Variants in TIAL1 observed in about 807,000 individuals in gnomAD.
TIAL1 encodes nucleolysin TIAR.
Under a neutral mutation model 59.7 loss-of-function variants are expected in TIAL1, and 7 were observed. That is an observed-to-expected ratio of 0.12 (90% confidence interval 0.07 to 0.22). The LOEUF (loss-of-function observed/expected upper bound fraction) is 0.22, where lower values mean the gene tolerates loss of function less well. TIAL1 is among the 10% of genes least tolerant of loss of function. The pLI, the probability that TIAL1 is intolerant of heterozygous loss-of-function variation, is 1.00. For synonymous variants in TIAL1, 149 were observed against 146.3 expected (o/e 1.02, Z -0.13); for missense variants, 225 against 462.5 (o/e 0.49, Z 4.71).
At position 119,575,727 on chromosome 10, in the gene TIAL1, G is replaced by A; in HGVS notation, c.1066C>T (p.Pro356Ser). The A allele has an allele frequency of 1.2e-6, 2 of 1,610,854 alleles. No homozygotes were observed. The highest frequency in any genetic ancestry group is 1.7e-6 in the Non-Finnish European group (2 of 1,178,638). Residue 356 changes from proline (P) to serine (S), a missense_variant, in exon 12 of 12, where the codon CCC becomes TCC. Transcript: ENST00000436547. Reference sequence around the variant, plus strand: ...TGGTTAGGAGGAGGTATTACAGGGGGAGGAGCTTGTCCTTGGGGAGGCTGA... The same window carrying A: ...TGGTTAGGAGGAGGTATTACAGGGGAAGGAGCTTGTCCTTGGGGAGGCTGA... ...GAQPPQGQAP[P>S]PVIPPPNQAG... is the part of the protein sequence containing the mutation.
rs1845001774 is a variant in TIAL1, at chr10:119,576,553, TTTTA to T, written c.1001+54_1001+57del. On this transcript the variant is annotated intron_variant, in intron 11 of 11. Transcript: ENST00000436547. ...ATAGATTCTCCCTAGGAAAACACAC[TTTTA>T]TTTATTTTGTCAGAACCATACGTTT... 3.8e-6 allele frequency: 6 copies of T among 1,582,566 alleles called. No individual in the cohort carries two copies. The South Asian group carries it at 5.8e-5, about 15-fold the overall frequency.
Position 119,596,504 on chromosome 10 carries a change from G to A in TIAL1, c.-39C>T, listed in dbSNP as rs748892990. 35 of 1,290,786 alleles carry A rather than the reference G, an allele frequency of 2.7e-5. No individual in the cohort carries two copies. The Admixed American group carries it at 6.1e-4, about 23-fold the overall frequency. 80.0% of individuals were successfully genotyped at this position (1,290,786 alleles called of 1,614,324 possible). A position where few individuals can be genotyped will look rare whatever the true frequency, so the allele number is the denominator to read the frequency against. Reference sequence around the variant, plus strand: ...GAGCGATCCCGGGACAAGGGGGAGGGCAGGGTTGGGGAGGGGAGGGGGTGG... The same window carrying A: ...GAGCGATCCCGGGACAAGGGGGAGGACAGGGTTGGGGAGGGGAGGGGGTGG... On this transcript the variant is annotated 5_prime_UTR_variant, in exon 1 of 12. Transcript: ENST00000436547.
Position 119,596,836 on chromosome 10 carries a change from G to A in TIAL1, c.-371C>T, listed in dbSNP as rs868580246. The A allele has an allele frequency of 2.6e-5, 7 of 268,322 alleles. No homozygotes were observed. The highest frequency in any genetic ancestry group is 4.9e-5 in the South Asian group (1 of 20,350). 16.6% of individuals were successfully genotyped at this position (268,322 alleles called of 1,614,324 possible). ...GGACCCGCTCACGACGGATCACGTC[G>A]TCGCTGTGGGCCTCTGGCCGGCCGA... On this transcript the variant is annotated 5_prime_UTR_variant, in exon 1 of 12. It adds an upstream start codon to the 5' untranslated region. Coordinates refer to ENST00000436547, the MANE Select transcript of TIAL1 (RefSeq NM_003252.4).
intron 1 of TIAL1, among the ~76,000 whole-genome samples, 183 bp downstream of exon 1, chr10:119,596,251 G>C (rs1161332374): frequency 6.6e-6 from 1 of 152,194 alleles, no homozygotes; most frequent in Non-Finnish European, 1.5e-5. Context: ...CTGTTTGGGG[G>C]AAGGGAGGAT....
chr10:119,588,735 AAAGC>A (rs1423719491), intron 1 of TIAL1, among the ~76,000 whole-genome samples: 1 of 152,212 alleles, frequency 6.6e-6, no homozygotes, highest in Non-Finnish European at 1.5e-5. Flanking sequence ...CTTATTTAGG[AAAGC>A]AACAATTGTT....
intron 2 of TIAL1, among the ~76,000 whole-genome samples, chr10:119,584,383 T>C (rs1294707250): frequency 6.7e-6 from 1 of 148,246 alleles, no homozygotes; most frequent in African/African-American, 2.5e-5. Flanking sequence ...ACATCTAAAG[T>C]AAAAAAAAAA....
At chr10:119,590,243 A>T (rs1340188792) in intron 1 of TIAL1, among the ~76,000 whole-genome samples, 3 of 152,226 alleles carry the variant, frequency 2.0e-5, no homozygotes. Flanking sequence ...CACGTAATTA[A>T]GGAGCTGATC....
At position 119,575,642 on chromosome 10, in the gene TIAL1, C is replaced by T. The variant is rs371998825; in HGVS notation, c.*23G>A. The T allele has an allele frequency of 6.2e-7, 1 of 1,612,896 alleles. No individual in the cohort carries two copies. Among genetic ancestry groups the T allele is most frequent in the East Asian group, 2.2e-5 (1 of 44,798 alleles). ...GGAAATCGAAGCCTATCATGAATTA[C>T]AATTTTTTTTTAGAGTCCCGGCTCA... is the stretch of plus-strand genomic sequence containing the variant. On this transcript the variant is annotated 3_prime_UTR_variant, in exon 12 of 12. Transcript: ENST00000436547.
In TIAL1 at chr10:119,574,602, A is replaced by AC. The variant is rs1193447715; in HGVS notation, c.*1062_*1063insG. 1,876 of 148,454 alleles carry AC rather than the reference A, an allele frequency of 0.013. 24 individuals are homozygous for AC. Among genetic ancestry groups the AC allele is most frequent in the African/African-American group, 0.038 (1,507 of 39,410 alleles). 9.2% of individuals were successfully genotyped at this position (148,454 alleles called of 1,614,324 possible). ...AATGTAAAGCAAAAAAAAAAAAAAA[A>AC]AAAAACAAAAACAAAAAACTAATTC... On this transcript the variant is annotated 3_prime_UTR_variant, in exon 12 of 12. Transcript: ENST00000436547.
chr10:119,581,887 T>A, intron 5 of TIAL1, 35 bp downstream of exon 5: 1 of 1,478,516 alleles, frequency 6.8e-7, no homozygotes, highest in Non-Finnish European at 9.4e-7. Context: ...ATTCTGCCTA[T>A]CATGACTGAG....
chr10:119,589,388 T>G (rs1845738521), intron 1 of TIAL1, among the ~76,000 whole-genome samples: 1 of 152,154 alleles, frequency 6.6e-6, no homozygotes, highest in Non-Finnish European at 1.5e-5. Context: ...GTATTTTTAG[T>G]AGAGACGGGG....
rs1426355247 is a variant in TIAL1, at chr10:119,575,599, T to C, written c.*66A>G. On this transcript the variant is annotated 3_prime_UTR_variant, in exon 12 of 12. Coordinates refer to ENST00000436547, the MANE Select transcript of TIAL1 (RefSeq NM_003252.4). ...TTTCATTTTCCGATGTCTACTTTCATGTCTTCAGAGTGTCACAGGAAATCG... is the reference window on the plus strand; with the variant it reads ...TTTCATTTTCCGATGTCTACTTTCACGTCTTCAGAGTGTCACAGGAAATCG... The C allele has an allele frequency of 1.3e-6, 2 of 1,575,152 alleles. No individual in the cohort carries two copies. Among genetic ancestry groups the C allele is most frequent in the East Asian group, 2.2e-5 (1 of 44,490 alleles).
At chr10:119,584,335 T>C (rs147784573) in intron 2 of TIAL1, among the ~76,000 whole-genome samples, 52 of 152,150 alleles carry the variant, frequency 3.4e-4, no homozygotes, top group African/African-American at 1.2e-3. Flanking sequence ...ATAATATATA[T>C]TTGTATTATA....
chr10:119,584,614 G>A (rs995152531), intron 2 of TIAL1, among the ~76,000 whole-genome samples: 2 of 152,054 alleles, frequency 1.3e-5, no homozygotes, highest in Non-Finnish European at 1.5e-5. Flanking sequence ...ATCACTTGAG[G>A]TCAGGAGTTC....
chr10:119,588,717 G>A (rs554326436), intron 1 of TIAL1, among the ~76,000 whole-genome samples: 44 of 152,226 alleles, frequency 2.9e-4, no homozygotes, highest in Admixed American at 5.2e-4. Flanking sequence ...ATGAAAGTAA[G>A]ATTAACCCTT....
intron 1 of TIAL1, among the ~76,000 whole-genome samples, chr10:119,594,279 T>C (rs887965479): frequency 2.6e-5 from 4 of 152,100 alleles, no homozygotes; most frequent in Non-Finnish European, 4.4e-5. Context: ...AGGAAATAAG[T>C]GACAAAGAAG....
chr10:119,594,328 G>A (rs541841708), intron 1 of TIAL1, among the ~76,000 whole-genome samples: 2 of 152,174 alleles, frequency 1.3e-5, no homozygotes, highest in Non-Finnish European at 2.9e-5. Flanking sequence ...TGATAGGGAT[G>A]AAGGCAAGGC....
rs972942042 is a variant in TIAL1 at position 119,574,041 on chromosome 10, T to A, written c.*1624A>T. On this transcript the variant is annotated 3_prime_UTR_variant, in exon 12 of 12. Coordinates refer to ENST00000436547, the MANE Select transcript of TIAL1 (RefSeq NM_003252.4). ...TGGGTACTAATCGCATCTTACTATGTAACTGTAAAAGGCTATTTTCTCTTT... is the reference window on the plus strand; with the variant it reads ...TGGGTACTAATCGCATCTTACTATGAAACTGTAAAAGGCTATTTTCTCTTT... The A allele has an allele frequency of 1.3e-5, 2 of 152,684 alleles. No individual in the cohort carries two copies. Among genetic ancestry groups the A allele is most frequent in the African/African-American group, 4.8e-5 (2 of 41,476 alleles). 9.5% of individuals were successfully genotyped at this position (152,684 alleles called of 1,614,324 possible). A position where few individuals can be genotyped will look rare whatever the true frequency, so the allele number is the denominator to read the frequency against.
In TIAL1 at chr10:119,586,874, T is replaced by C. The variant is rs527253062; in HGVS notation, c.129+1278A>G. Among the ~76,000 whole-genome samples, 5 of 152,320 alleles carry C rather than the reference T, an allele frequency of 3.3e-5. No homozygotes were observed. The South Asian group carries it at 8.3e-4, about 25-fold the overall frequency. ...GACATCTCTCATCACCTAGCCTATA[T>C]AGCACCAACCCTCCAATCATCACAG... is the stretch of plus-strand genomic sequence containing the variant. On this transcript the variant is annotated intron_variant, in intron 2 of 11. Coordinates refer to ENST00000436547, the MANE Select transcript of TIAL1 (RefSeq NM_003252.4).
Sources: allele counts gnomAD v4.1 joint callset (sites outside exome capture counted in the v4.1 genomes callset), GRCh38; gene constraint gnomAD v4.1.1; transcripts MANE v1.5; gene names NCBI Gene and HGNC (gene_info 2026-07-23, HGNC 2026-07-21).